The following KIAA1217 variants were observed in gnomAD, a reference collection of about 807,000 sequenced individuals.
KIAA1217 encodes sickle tail protein homolog.
KIAA1217 carries 88 observed loss-of-function variants against 163.9 expected under a neutral mutation model. That is an observed-to-expected ratio of 0.54 (90% CI 0.45 to 0.64). The LOEUF (loss-of-function observed/expected upper bound fraction) is 0.64. Ranked by LOEUF, KIAA1217 falls within the 30% of genes least tolerant of loss-of-function variation. KIAA1217 has a pLI of 0.00. For synonymous variants in KIAA1217, 903 were observed against 923.1 expected (o/e 0.98, Z 0.39); for missense variants, 2,372 against 2,475.0 (o/e 0.96, Z 0.88).
chr10:23,895,075 G>A (rs1158848339), intron 1 of KIAA1217, among the ~76,000 whole-genome samples: 1 of 152,072 alleles, frequency 6.6e-6, no homozygotes, highest in Non-Finnish European at 1.5e-5. Context: ...CAGGACATAG[G>A]CATGGGCAAG....
rs115810855 is a variant in KIAA1217, at chr10:24,316,590, G to A, written c.355-64279G>A. 2.3e-3 allele frequency among the ~76,000 whole-genome samples: 344 copies of A among 152,224 alleles called. 1 individual carries two copies. The highest frequency in any genetic ancestry group is 7.9e-3 in the African/African-American group (328 of 41,548). On this transcript the variant is annotated intron_variant, in intron 2 of 20. Transcript: ENST00000376454. ...CCTGACACACCCCTACTAGGAACAC[G>A]AAAATGGTTGTAGAATGTGTTTCAT...
At chr10:24,512,580 T>C (rs2069361203) in intron 9 of KIAA1217, among the ~76,000 whole-genome samples, 1 of 152,188 alleles carries the variant, frequency 6.6e-6, no homozygotes, top group African/African-American at 2.4e-5. Flanking sequence ...CTAGAGAAAT[T>C]CATAAATTGC....
chr10:23,982,076 T>C (rs1338792498), intron 1 of KIAA1217, among the ~76,000 whole-genome samples: 1 of 151,592 alleles, frequency 6.6e-6, no homozygotes, highest in Non-Finnish European at 1.5e-5. Flanking sequence ...CTGGAAAAAT[T>C]CAAGCAGAAG....
intron 1 of KIAA1217, among the ~76,000 whole-genome samples, chr10:23,946,952 C>T (rs1335682310): frequency 6.6e-6 from 1 of 152,046 alleles, no homozygotes; most frequent in Non-Finnish European, 1.5e-5. Flanking sequence ...GGTGGTTACC[C>T]CCATGCTGCT....
chr10:24,068,101 G>A (rs1018928880), intron 2 of KIAA1217, among the ~76,000 whole-genome samples: 3 of 152,178 alleles, frequency 2.0e-5, no homozygotes, highest in Admixed American at 6.5e-5. Context: ...CGGGTGAGGC[G>A]ATGCCTCGCC....
chr10:24,370,547 G>A, intron 2 of KIAA1217, among the ~76,000 whole-genome samples: 1 of 152,152 alleles, frequency 6.6e-6, no homozygotes, highest in East Asian at 1.9e-4. Context: ...ATAGTAGGCA[G>A]GACCAACAAG....
intron 2 of KIAA1217, among the ~76,000 whole-genome samples, chr10:24,134,781 T>C (rs987605061): frequency 7.9e-5 from 12 of 152,164 alleles, no homozygotes; most frequent in Admixed American, 4.6e-4. Flanking sequence ...CTCACTGTGT[T>C]GCCCAAGCTG....
At position 24,531,907 on chromosome 10, in the gene KIAA1217, C is replaced by T; in HGVS notation, c.3160C>T (p.Arg1054Ter). ...CCCTCCTCCTCCGCCACCTCCTCGT[C>T]GAAGCTACCTGCCAGGATCGGGACT... ...SPPPPPPPPR[R>*]SYLPGSGLTT... Residue 1054 changes from arginine to a stop codon, truncating the protein, a stop_gained, in exon 15 of 21, where the codon CGA becomes TGA. Transcript: ENST00000376454. LOFTEE classifies it high-confidence loss of function. The T allele has an allele frequency of 6.2e-7, 1 of 1,610,428 alleles. No homozygotes were observed. The highest frequency in any genetic ancestry group is 8.5e-7 in the Non-Finnish European group (1 of 1,177,868).
chr10:23,904,365 A>C (rs1842066997), intron 1 of KIAA1217, among the ~76,000 whole-genome samples: 1 of 152,196 alleles, frequency 6.6e-6, no homozygotes, highest in Non-Finnish European at 1.5e-5. Context: ...ATTAACACTT[A>C]CAGAACATGT....
chr10:23,844,726 G>A (rs527992674), intron 1 of KIAA1217, among the ~76,000 whole-genome samples: 1 of 150,378 alleles, frequency 6.6e-6, no homozygotes, highest in East Asian at 1.9e-4. Context: ...TTTAATTTGT[G>A]GCTCAACGTT....
rs151297444 is a variant in KIAA1217 at position 24,469,524 on chromosome 10, A to G, written c.847-3704A>G. 3.9e-3 allele frequency among the ~76,000 whole-genome samples: 591 copies of G among 152,314 alleles called. 3 individuals are homozygous for G. The highest frequency in any genetic ancestry group is 0.014 in the African/African-American group (564 of 41,572). Reference sequence around the variant, plus strand: ...TCCCCCAGATAAAGATGTACTCTGAAGGTGGCTAAGGAAGGAAAAGAGAAC... The same window carrying G: ...TCCCCCAGATAAAGATGTACTCTGAGGGTGGCTAAGGAAGGAAAAGAGAAC... On this transcript the variant is annotated intron_variant, in intron 5 of 20. Transcript: ENST00000376454.
intron 2 of KIAA1217, among the ~76,000 whole-genome samples, chr10:24,224,259 G>A (rs1200242639): frequency 6.6e-6 from 1 of 152,178 alleles, no homozygotes; most frequent in African/African-American, 2.4e-5. Context: ...TTGGATGCAG[G>A]TGGGACTCAT....
intron 1 of KIAA1217, among the ~76,000 whole-genome samples, chr10:23,749,468 C>T (rs1401097097): frequency 3.9e-5 from 6 of 151,974 alleles, no homozygotes; most frequent in African/African-American, 9.7e-5. Context: ...AGTGCAGTGG[C>T]GCCATCTTGG....
rs77894915 is a variant in KIAA1217 at position 23,774,563 on chromosome 10, G to T, written c.-321+79329G>T. Among the ~76,000 whole-genome samples, 174 of 152,304 alleles carry T rather than the reference G, an allele frequency of 1.1e-3. 13 individuals carry two copies. The East Asian group carries it at 0.027, about 24-fold the overall frequency. ...CTCCTCTACTGGCAGTTCTCTTGAGGATGGAAATGCATGGTAGATGTGAGC... is the reference window on the plus strand; with the variant it reads ...CTCCTCTACTGGCAGTTCTCTTGAGTATGGAAATGCATGGTAGATGTGAGC... On this transcript the variant is annotated intron_variant, in intron 1 of 18. Transcript: ENST00000376462.
Position 24,200,243 on chromosome 10 carries a change from CG to C in KIAA1217, c.-170-19382del, listed in dbSNP as rs926807194. Reference sequence around the variant, plus strand: ...TTTTTTTTTTTAAGAGATGGGGCCTCGCTGTTTCCTAGGCTAGAGTGCAGTG... The same window carrying C: ...TTTTTTTTTTTAAGAGATGGGGCCTCCTGTTTCCTAGGCTAGAGTGCAGTG... On this transcript the variant is annotated intron_variant, in intron 2 of 18. Transcript: ENST00000376462. Among the ~76,000 whole-genome samples, 11 of 150,560 alleles carry C rather than the reference CG, an allele frequency of 7.3e-5. No homozygotes were observed. In the East Asian group the frequency reaches 1.2e-3, roughly 16 times the overall value.
chr10:23,885,217 C>T (rs1438402535), intron 1 of KIAA1217, among the ~76,000 whole-genome samples: 1 of 151,956 alleles, frequency 6.6e-6, no homozygotes, highest in Non-Finnish European at 1.5e-5. Context: ...ATGACTATCA[C>T]ACTAAATCTA....
intron 1 of KIAA1217, among the ~76,000 whole-genome samples, chr10:23,934,583 A>ATATATATATATATATATG (rs1226321775): frequency 1.6e-5 from 1 of 64,078 alleles, no homozygotes; most frequent in Non-Finnish European, 2.5e-5. Context: ...ATATATATAT[A>ATATATATATATATATATG]TATATATGTA....
intron 6 of KIAA1217, among the ~76,000 whole-genome samples, chr10:24,479,652 A>T (rs1224754412): frequency 2.0e-5 from 3 of 152,170 alleles, no homozygotes. Context: ...GGTACTTTGT[A>T]AAGAGAAGAG....
intron 2 of KIAA1217, among the ~76,000 whole-genome samples, chr10:24,222,729 C>T (rs1328048677): frequency 6.6e-6 from 1 of 152,058 alleles, no homozygotes; most frequent in Non-Finnish European, 1.5e-5. Context: ...AGGCTGGTCT[C>T]GAACTCCTGA....
Sources: allele counts gnomAD v4.1 joint callset (sites outside exome capture counted in the v4.1 genomes callset), GRCh38; gene constraint gnomAD v4.1.1; transcripts MANE v1.5; gene names NCBI Gene and HGNC (gene_info 2026-07-23, HGNC 2026-07-21).